C2CD3: variants seen among roughly 807,000 people sequenced by gnomAD.
The protein encoded by C2CD3 is C2 domain-containing protein 3.
In C2CD3, 148 loss-of-function variants were observed where a neutral mutation model predicts 234.0. That is an observed-to-expected ratio of 0.63 (90% CI 0.55 to 0.72). The LOEUF is 0.72. Among genes scored for constraint, C2CD3 ranks in the 30% least tolerant of loss-of-function variants. The pLI, the probability that C2CD3 is intolerant of heterozygous loss-of-function variation, is 0.00. For missense variants in C2CD3, 2,577 were observed against 2,811.5 expected, an observed-to-expected ratio of 0.92 and a Z score of 1.89; for synonymous variants, 1,000 against 1,035.4, an observed-to-expected ratio of 0.97 and a Z score of 0.66.
intron 18 of C2CD3, among the ~76,000 whole-genome samples, chr11:74,092,852 C>A (rs1473577137): frequency 6.6e-6 from 1 of 152,106 alleles, no homozygotes; most frequent in African/African-American, 2.4e-5. Context: ...TCGGGGGTGG[C>A]CACTCCTGAA....
At position 74,065,028 on chromosome 11, in the gene C2CD3, A is replaced by G. The variant is rs551682612; in HGVS notation, c.4952-7484T>C. Among the ~76,000 whole-genome samples the G allele has an allele frequency of 1.4e-4, 21 of 152,356 alleles. No individual in the cohort carries two copies. In the South Asian group the frequency reaches 4.3e-3, roughly 32 times the overall value. On this transcript the variant is annotated intron_variant, in intron 24 of 32. Coordinates refer to ENST00000334126, the MANE Select transcript of C2CD3 (RefSeq NM_001286577.2). Reference sequence around the variant, plus strand: ...GCAAGGACTTCATGTCTAAAACACCAAAAGCAATGGCAACAAAAGCCAAAA... The same window carrying G: ...GCAAGGACTTCATGTCTAAAACACCGAAAGCAATGGCAACAAAAGCCAAAA...
chr11:74,119,654 G>A (rs921358108), intron 8 of C2CD3, among the ~76,000 whole-genome samples: 1 of 76,480 alleles, frequency 1.3e-5, no homozygotes, highest in Non-Finnish European at 2.7e-5. Context: ...TTTTTTTTTT[G>A]AGATGGAGTC....
chr11:74,123,196 C>A, intron 7 of C2CD3, 61 bp from the exon 8 acceptor site: 1 of 1,267,984 alleles, frequency 7.9e-7, no homozygotes, highest in South Asian at 1.3e-5. Flanking sequence ...GAACTATTCT[C>A]TCTTTAGTGA....
chr11:74,017,908 G>T (rs1402910347), intron 32 of C2CD3, among the ~76,000 whole-genome samples: 1 of 152,212 alleles, frequency 6.6e-6, no homozygotes, highest in Non-Finnish European at 1.5e-5. Context: ...CAGGCCACAT[G>T]CTCCCAGGGG....
intron 32 of C2CD3, among the ~76,000 whole-genome samples, chr11:74,026,271 C>T (rs1300691083): frequency 1.3e-5 from 2 of 151,630 alleles, no homozygotes; most frequent in African/African-American, 4.8e-5. Flanking sequence ...CACGCCACTG[C>T]ACTCCAGTCT....
chr11:74,170,616 C>G, intron 1 of C2CD3, 122 bp downstream of exon 1: 3 of 1,162,210 alleles, frequency 2.6e-6, no homozygotes, highest in Non-Finnish European at 3.8e-6. Flanking sequence ...CTTCTGGTTC[C>G]CTGGCTACTT....
intron 7 of C2CD3, among the ~76,000 whole-genome samples, chr11:74,127,136 T>C (rs1430355054): frequency 6.6e-6 from 1 of 152,154 alleles, no homozygotes; most frequent in Non-Finnish European, 1.5e-5. Context: ...GCCTTCTGAG[T>C]AGGCAGGACC....
intron 25 of C2CD3, 109 bp downstream of exon 25, chr11:74,057,297 T>C (rs1221024685): frequency 9.2e-7 from 1 of 1,084,840 alleles, no homozygotes; most frequent in Non-Finnish European, 1.4e-6. Context: ...AAGAAAAGCA[T>C]TTTCCAGGTC....
At chr11:74,158,483 G>A (rs538636308) in intron 3 of C2CD3, among the ~76,000 whole-genome samples, 11 of 152,138 alleles carry the variant, frequency 7.2e-5, no homozygotes, top group Non-Finnish European at 1.5e-4. Flanking sequence ...AGCACTTTGG[G>A]AGGCCAAGGC....
intron 12 of C2CD3, among the ~76,000 whole-genome samples, chr11:74,108,708 T>C (rs1360661379): frequency 6.6e-6 from 1 of 152,146 alleles, no homozygotes; most frequent in Admixed American, 6.5e-5. Context: ...TTTCATTAGA[T>C]TGAGTGATCT....
At chr11:74,118,905 ATTTTTTTTT>A (rs1228553220) in intron 8 of C2CD3, among the ~76,000 whole-genome samples, 1 of 127,950 alleles carries the variant, frequency 7.8e-6, no homozygotes, top group Non-Finnish European at 1.6e-5. Flanking sequence ...TGGATAGACT[ATTTTTTTTT>A]TTTTTTTTTT....
chr11:74,107,720 T>C (rs991498188), intron 12 of C2CD3, among the ~76,000 whole-genome samples: 16 of 152,132 alleles, frequency 1.1e-4, no homozygotes, highest in Admixed American at 2.0e-4. Flanking sequence ...ACTGTATTCA[T>C]TGGAAAAAGA....
At chr11:74,041,779 TAAGTTTTGGTGAACAATCTG>T (rs1953072860) in intron 29 of C2CD3, among the ~76,000 whole-genome samples, 1 of 152,164 alleles carries the variant, frequency 6.6e-6, no homozygotes, top group Non-Finnish European at 1.5e-5. Context: ...TGGTTATTAT[TAAGTTTTGGTGAACAATCTG>T]AAGCTCCTAC....
At chr11:74,094,112 C>T (rs1236649916) in intron 17 of C2CD3, 113 bp from the exon 18 acceptor site, 13 of 791,266 alleles carry the variant, frequency 1.6e-5, no homozygotes, top group Non-Finnish European at 2.3e-5. Context: ...GTTATGGTTC[C>T]CTAAGGTCCC....
chr11:74,053,453 T>C (rs970791761), intron 26 of C2CD3, among the ~76,000 whole-genome samples: 17 of 152,226 alleles, frequency 1.1e-4, no homozygotes, highest in Admixed American at 2.6e-4. Context: ...AGGGGCAGAA[T>C]TGGCATTTGA....
intron 16 of C2CD3, among the ~76,000 whole-genome samples, chr11:74,097,197 A>G (rs1164053344): frequency 6.6e-6 from 1 of 152,156 alleles, no homozygotes; most frequent in Non-Finnish European, 1.5e-5. Context: ...TGTGGAGTTC[A>G]TAATATACAA....
Position 74,098,017 on chromosome 11 carries a change from CA to C in C2CD3, c.2970del (p.Val991LeufsTer11), listed in dbSNP as rs1309362487. On this transcript the variant is annotated frameshift_variant, in exon 16 of 33. Coordinates refer to ENST00000334126, the MANE Select transcript of C2CD3 (RefSeq NM_001286577.2). LOFTEE classifies it high-confidence loss of function. ...AHFLDQPTAA[S>X]VAMAEDRGNG... is the part of the protein sequence containing the mutation. ...ACCATAGCGTTTATTACCATAGCAA[CA>C]GATGCTGCAGTTGGCTGGTCCAGGA... 22 of 1,613,740 alleles carry C rather than the reference CA, an allele frequency of 1.4e-5. No homozygotes were observed. Among genetic ancestry groups the C allele is most frequent in the Non-Finnish European group, 1.9e-5 (22 of 1,179,922 alleles).
chr11:74,109,146 T>C lies in C2CD3; in HGVS notation c.1850A>G (p.Lys617Arg). The C allele has an allele frequency of 6.4e-7, 1 of 1,556,460 alleles. No individual in the cohort carries two copies. Among genetic ancestry groups the C allele is most frequent in the Non-Finnish European group, 8.7e-7 (1 of 1,148,306 alleles). Reference protein sequence around the residue: ...ASSKITDGKVKFQQRFVFPVQ... With the variant: ...ASSKITDGKVRFQQRFVFPVQ... Reference sequence around the variant, plus strand: ...TGGAAACACAAATCGCTGCTGGAACTTCACCTCTGTAAGGAGAACCAGACA... The same window carrying C: ...TGGAAACACAAATCGCTGCTGGAACCTCACCTCTGTAAGGAGAACCAGACA... Residue 617 changes from lysine (K) to arginine (R), a missense_variant, in exon 12 of 33, where the codon AAG (lysine) becomes AGG (arginine). Transcript: ENST00000334126.
chr11:74,045,577 CTT>C (rs5792642), intron 28 of C2CD3, among the ~76,000 whole-genome samples: 1 of 144,570 alleles, frequency 6.9e-6, no homozygotes, highest in African/African-American at 2.7e-5. Context: ...TTTTTCTTTC[CTT>C]TTTTTTTTGG....
Sources: gnomAD v4.1 joint callset for allele counts (sites outside exome capture counted in the v4.1 genomes callset) on GRCh38, gnomAD v4.1.1 for gene constraint, MANE v1.5 for transcripts, NCBI Gene and HGNC (gene_info 2026-07-23, HGNC 2026-07-21) for gene names.